The following ASH1L variants were observed in gnomAD, a reference collection of about 807,000 sequenced individuals.
ASH1L encodes the protein histone-lysine N-methyltransferase ASH1L.
ASH1L carries 23 observed loss-of-function variants against 269.0 expected under a neutral mutation model. That is an observed-to-expected ratio of 0.09 (90% confidence interval 0.06 to 0.12). The LOEUF is 0.12. ASH1L is among the 10% of genes least tolerant of loss of function. The probability of loss-of-function intolerance (pLI) is 1.00; values close to 1 mark genes in which losing one functional copy is unlikely to be tolerated. For synonymous variants in ASH1L, 1,187 were observed against 1,253.5 expected (o/e 0.95, Z 1.12); for missense variants, 2,912 against 3,567.8 (o/e 0.82, Z 4.68).
At chr1:155,550,391 T>C (rs1671115357) in intron 1 of ASH1L, among the ~76,000 whole-genome samples, 1 of 152,160 alleles carries the variant, frequency 6.6e-6, no homozygotes, top group Non-Finnish European at 1.5e-5. Flanking sequence ...ATCAAGTCAT[T>C]TCCCTGCTTC....
At chr1:155,444,006 C>T (rs184279820) in intron 4 of ASH1L, among the ~76,000 whole-genome samples, 1,149 of 114,682 alleles carry the variant, frequency 0.01, 27 homozygotes, top group African/African-American at 0.044. Flanking sequence ...TTTTTTGCGA[C>T]GGAGTCTCGC....
In ASH1L at chr1:155,434,977, G is replaced by C. The variant is rs188188129; in HGVS notation, c.5828+3350C>G. Among the ~76,000 whole-genome samples, 63 of 152,282 alleles carry C rather than the reference G, an allele frequency of 4.1e-4. No homozygotes were observed. In the East Asian group the frequency reaches 6.0e-3, roughly 14 times the overall value. On this transcript the variant is annotated intron_variant, in intron 5 of 27. Coordinates refer to ENST00000392403, the MANE Select transcript of ASH1L (RefSeq NM_018489.3). ...GTTCAAGACCAGCCTGGCCAACATG[G>C]GGAAACCCCGTCTCTACTAAAAATA...
intron 6 of ASH1L, among the ~76,000 whole-genome samples, chr1:155,409,276 A>G (rs1181026108): frequency 2.0e-5 from 3 of 152,076 alleles, no homozygotes; most frequent in Non-Finnish European, 4.4e-5. Context: ...TCTGCCTCCT[A>G]CAGTTCTCGG....
chr1:155,411,450 T>C lies in ASH1L; in HGVS notation c.6008+4294A>G, dbSNP rs77600014. 1.6e-3 allele frequency among the ~76,000 whole-genome samples: 244 copies of C among 151,104 alleles called. 1 individual carries two copies. Among genetic ancestry groups the C allele is most frequent in the Non-Finnish European group, 2.1e-3 (144 of 67,844 alleles). ...TCACTGATACGGTTGTATAATTTGATGTGAAATCAAATTACATCAAAAGAT... is the reference window on the plus strand; with the variant it reads ...TCACTGATACGGTTGTATAATTTGACGTGAAATCAAATTACATCAAAAGAT... On this transcript the variant is annotated intron_variant, in intron 6 of 27. Transcript: ENST00000392403.
At chr1:155,515,702 C>G (rs1343836161) in intron 2 of ASH1L, among the ~76,000 whole-genome samples, 1 of 151,824 alleles carries the variant, frequency 6.6e-6, no homozygotes, top group South Asian at 2.1e-4. Flanking sequence ...GTGGCAAGCA[C>G]CTGTAATCCC....
chr1:155,553,024 G>T (rs937139693), intron 1 of ASH1L, among the ~76,000 whole-genome samples: 7 of 152,142 alleles, frequency 4.6e-5, no homozygotes, highest in African/African-American at 1.7e-4. Context: ...TACAGTCAAG[G>T]AAACCAAAGA....
chr1:155,373,434 C>G (rs150920672), intron 10 of ASH1L, among the ~76,000 whole-genome samples: 1 of 151,374 alleles, frequency 6.6e-6, no homozygotes, highest in Non-Finnish European at 1.5e-5. Context: ...AACACAGGCG[C>G]GCACCACCGC....
At chr1:155,361,518 CAAAAAAAAAAAAAAAAA>C (rs1161207568) in intron 12 of ASH1L, among the ~76,000 whole-genome samples, 3 of 36,380 alleles carry the variant, frequency 8.2e-5, no homozygotes, top group East Asian at 8.3e-4. Context: ...CTCCATCTCA[CAAAAAAAAAAAAAAAAA>C]AAAAAAAAAA....
At chr1:155,562,884 C>G, upstream of ASH1L, 1 of 453,306 alleles carries the variant, frequency 2.2e-6, no homozygotes, top group South Asian at 1.5e-5. Context: ...CCACGGCCGC[C>G]GCCGCCGCCG....
intron 2 of ASH1L, among the ~76,000 whole-genome samples, chr1:155,495,612 G>A (rs184678751): frequency 1.4e-4 from 21 of 152,284 alleles, no homozygotes; most frequent in Admixed American, 5.2e-4. Context: ...TGACTGTGAA[G>A]GGCTAGGACA....
intron 1 of ASH1L, among the ~76,000 whole-genome samples, chr1:155,538,500 G>T (rs1238571751): frequency 1.3e-5 from 2 of 151,926 alleles, no homozygotes; most frequent in African/African-American, 2.4e-5. Context: ...CGGGACTACA[G>T]GAACGCACCA....
At position 155,479,565 on chromosome 1, in the gene ASH1L, A is replaced by G. The variant is rs1426635046; in HGVS notation, c.3305T>C (p.Ile1102Thr). 1.9e-6 allele frequency: 3 copies of G among 1,614,194 alleles called. No individual in the cohort carries two copies. Among genetic ancestry groups the G allele is most frequent in the Non-Finnish European group, 2.5e-6 (3 of 1,180,026 alleles). ...LLPSSASSSE[I>T]LPSPICSQSS... is the part of the protein sequence containing the mutation. ...CTGAGAGCAAATAGGTGATGGAAGA[A>G]TCTCAGAACTACTAGCAGATGAAGG... The change falls in exon 3 of 28, where the codon ATT becomes ACT. Residue 1102 changes from isoleucine to threonine, a missense_variant. Ile to Thr is a moderately conservative substitution (Grantham distance 89). Transcript: ENST00000392403.
intron 1 of ASH1L, among the ~76,000 whole-genome samples, chr1:155,543,786 G>A (rs1211818594): frequency 1.3e-5 from 2 of 151,802 alleles, no homozygotes; most frequent in African/African-American, 4.8e-5. Context: ...TTAAAAATTA[G>A]CTGAGCCTGG....
upstream of ASH1L, chr1:155,562,817 T>A: frequency 1.4e-5 from 7 of 499,958 alleles, no homozygotes; most frequent in East Asian, 5.8e-5. Flanking sequence ...CTCCTCCTCC[T>A]CCACCTCCTC....
At chr1:155,382,919 T>C (rs1223405176) in intron 7 of ASH1L, among the ~76,000 whole-genome samples, 1 of 152,142 alleles carries the variant, frequency 6.6e-6, no homozygotes, top group African/African-American at 2.4e-5. Context: ...GACAGGGTCT[T>C]GCCATGTTGC....
intron 2 of ASH1L, among the ~76,000 whole-genome samples, chr1:155,500,572 A>C (rs1667437998): frequency 6.6e-6 from 1 of 152,170 alleles, no homozygotes; most frequent in Non-Finnish European, 1.5e-5. Flanking sequence ...CATAAGGAAA[A>C]AAAAAAGCAC....
chr1:155,420,685 T>C (rs1408798333), intron 5 of ASH1L, among the ~76,000 whole-genome samples: 1 of 151,362 alleles, frequency 6.6e-6, no homozygotes, highest in African/African-American at 2.4e-5. Flanking sequence ...ACTCCATCTC[T>C]ACTAAAATAT....
Position 155,433,451 on chromosome 1 carries a change from G to A in ASH1L, c.5828+4876C>T, listed in dbSNP as rs767044611. The A allele has an allele frequency of 1.9e-5, 31 of 1,610,338 alleles. 1 individual carries two copies. In the South Asian group the frequency reaches 3.4e-4, roughly 18 times the overall value. Reference sequence around the variant, plus strand: ...GCGGCTAGTGCCCCAAGGCGGCTTGGAGACCTCTCAGCCTGAGGGCGAAGC... The same window carrying A: ...GCGGCTAGTGCCCCAAGGCGGCTTGAAGACCTCTCAGCCTGAGGGCGAAGC... On this transcript the variant is annotated intron_variant, in intron 5 of 27. Transcript: ENST00000392403.
intron 3 of ASH1L, among the ~76,000 whole-genome samples, chr1:155,474,403 T>C (rs1665367342): frequency 6.6e-6 from 1 of 152,134 alleles, no homozygotes; most frequent in Admixed American, 6.6e-5. Flanking sequence ...TCAAACTGTA[T>C]GTATTAAAAA....
Sources: gnomAD v4.1 joint callset for allele counts (sites outside exome capture counted in the v4.1 genomes callset) on GRCh38, gnomAD v4.1.1 for gene constraint, MANE v1.5 for transcripts, NCBI Gene and HGNC (gene_info 2026-07-23, HGNC 2026-07-21) for gene names.